The following ABCB7 variants were observed in gnomAD, a reference collection of about 807,000 sequenced individuals.
ABCB7 encodes the protein iron-sulfur clusters transporter ABCB7, mitochondrial.
In ABCB7, 7 loss-of-function variants were observed where a neutral mutation model predicts 54.4. That is an observed-to-expected ratio of 0.13 (90% confidence interval 0.07 to 0.24). The LOEUF is 0.24. ABCB7 is among the 10% of genes least tolerant of loss of function. The pLI, the probability that ABCB7 is intolerant of heterozygous loss-of-function variation, is 1.00. For synonymous variants in ABCB7, 218 were observed against 207.1 expected (o/e 1.05, Z -0.45); for missense variants, 356 against 570.4 (o/e 0.62, Z 3.83).
At chrX:75,056,189 C>A (rs1489483183) in intron 15 of ABCB7, among the ~76,000 whole-genome samples, 1 of 111,415 alleles carries the variant, frequency 9.0e-6, no homozygotes, top group Non-Finnish European at 1.9e-5. Context: ...TCAAACCGTG[C>A]AAATATTCTA....
intron 1 of ABCB7, among the ~76,000 whole-genome samples, chrX:75,147,901 A>G (rs753397541): frequency 8.0e-5 from 9 of 112,141 alleles, no homozygotes; most frequent in African/African-American, 2.9e-4. Context: ...GGATCACCTG[A>G]GGTCAGGAGT....
chrX:75,124,757 C>T (rs1233664472), intron 1 of ABCB7, among the ~76,000 whole-genome samples: 4 of 111,560 alleles, frequency 3.6e-5, no homozygotes, highest in Admixed American at 1.9e-4. Context: ...AAAATTGGTA[C>T]GAATCTCTGA....
intron 1 of ABCB7, among the ~76,000 whole-genome samples, chrX:75,153,783 A>ATG (rs1265972624): frequency 3.2e-5 from 2 of 62,371 alleles, no homozygotes; most frequent in South Asian, 9.6e-4. Flanking sequence ...TAAAATATAT[A>ATG]TGTGTGTGTG....
intron 3 of ABCB7, among the ~76,000 whole-genome samples, chrX:75,112,436 G>A (rs970342647): frequency 9.0e-5 from 10 of 111,468 alleles, no homozygotes; most frequent in Non-Finnish European, 1.7e-4. Flanking sequence ...TAATAATAAC[G>A]ATAAAGAATG....
At chrX:75,142,768 C>G (rs1157785171) in intron 1 of ABCB7, among the ~76,000 whole-genome samples, 1 of 112,354 alleles carries the variant, frequency 8.9e-6, no homozygotes, top group African/African-American at 3.2e-5. Context: ...TTTACCACAC[C>G]TTAAAGTATT....
At position 75,114,648 on chromosome X, in the gene ABCB7, A is replaced by T. The variant is rs2081792075; in HGVS notation, c.246+106T>A. The T allele has an allele frequency of 6.2e-6, 4 of 645,240 alleles. No homozygotes were observed. In the Admixed American group the frequency reaches 1.2e-4, roughly 19 times the overall value. 53.2% of individuals were successfully genotyped at this position (645,240 alleles called of 1,213,427 possible). ...TCTTATTCATCTTGTCAGCATTTAGAAAAACACAAAAAGGGAGATGTAAAA... is the reference window on the plus strand; with the variant it reads ...TCTTATTCATCTTGTCAGCATTTAGTAAAACACAAAAAGGGAGATGTAAAA... On this transcript the variant is annotated intron_variant, in intron 2 of 15. Coordinates refer to ENST00000373394, the MANE Select transcript of ABCB7 (RefSeq NM_001271696.3).
intron 1 of ABCB7, among the ~76,000 whole-genome samples, chrX:75,132,294 C>G (rs984064798): frequency 8.9e-6 from 1 of 112,249 alleles, no homozygotes; most frequent in African/African-American, 3.2e-5. Context: ...ACAATGACTT[C>G]TCTGTGAGCC....
At chrX:75,132,260 C>T (rs2081979833) in intron 1 of ABCB7, among the ~76,000 whole-genome samples, 1 of 112,030 alleles carries the variant, frequency 8.9e-6, no homozygotes, top group South Asian at 3.8e-4. Context: ...CAGCATGCCA[C>T]AGCTCTCCTA....
intron 15 of ABCB7, among the ~76,000 whole-genome samples, chrX:75,057,843 G>A (rs1381375526): frequency 9.1e-6 from 1 of 110,413 alleles, no homozygotes; most frequent in African/African-American, 3.3e-5. Context: ...AAGGAGTAGT[G>A]ATGGTAAAAA....
chrX:75,129,710 A>G (rs1321764044), intron 1 of ABCB7, among the ~76,000 whole-genome samples: 5 of 109,514 alleles, frequency 4.6e-5, no homozygotes, highest in African/African-American at 1.7e-4. Context: ...AGAACAGTAT[A>G]GAGGGTTCGC....
chrX:75,062,226 A>G (rs1602332127), intron 14 of ABCB7, 102 bp downstream of exon 14: 2 of 731,159 alleles, frequency 2.7e-6, no homozygotes, highest in African/African-American at 4.3e-5. Flanking sequence ...AGCACTTACT[A>G]TTGAAGTTTA....
chrX:75,070,842 C>T (rs961054910), intron 9 of ABCB7, among the ~76,000 whole-genome samples: 10 of 110,341 alleles, frequency 9.1e-5, no homozygotes, highest in Non-Finnish European at 1.9e-4. Context: ...TAGTGTAAAA[C>T]AGGAATTTAA....
At chrX:75,082,780 C>T (rs1602352945) in intron 4 of ABCB7, among the ~76,000 whole-genome samples, 1 of 111,054 alleles carries the variant, frequency 9.0e-6, no homozygotes, top group East Asian at 2.9e-4. Context: ...TGAAAAGTTA[C>T]TTATGTATAA....
intron 1 of ABCB7, among the ~76,000 whole-genome samples, chrX:75,115,065 C>T (rs948938627): frequency 7.3e-5 from 8 of 109,175 alleles, no homozygotes; most frequent in African/African-American, 1.0e-4. Context: ...GTCTGGAGAT[C>T]GAGACCATCC....
chrX:75,092,990 A>C (rs1164431949), intron 4 of ABCB7, among the ~76,000 whole-genome samples: 1 of 112,015 alleles, frequency 8.9e-6, no homozygotes, highest in African/African-American at 3.2e-5. Context: ...TACCAACTAT[A>C]AAAGGTTATT....
At chrX:75,106,382 A>C (rs915616539) in intron 3 of ABCB7, among the ~76,000 whole-genome samples, 3 of 112,239 alleles carry the variant, frequency 2.7e-5, no homozygotes, top group Non-Finnish European at 3.8e-5. Flanking sequence ...TAATCATCAA[A>C]GAAATCCAAA....
chrX:75,150,472 C>A (rs1411821214), intron 1 of ABCB7, among the ~76,000 whole-genome samples: 2 of 110,283 alleles, frequency 1.8e-5, no homozygotes, highest in African/African-American at 6.6e-5. Context: ...TAATTTTGGT[C>A]AAGACTGAGC....
At chrX:75,139,006 CAAAAAA>C (rs60785681) in intron 1 of ABCB7, among the ~76,000 whole-genome samples, 3 of 57,811 alleles carry the variant, frequency 5.2e-5, no homozygotes. Flanking sequence ...GACTCTGCCT[CAAAAAA>C]AAAAAAAAAA....
chrX:75,102,662 T>A (rs927735968), intron 3 of ABCB7, among the ~76,000 whole-genome samples: 2 of 111,748 alleles, frequency 1.8e-5, no homozygotes, highest in Admixed American at 9.5e-5. Context: ...TTCCTTTGGA[T>A]AAATATCAGG....
Sources: gnomAD v4.1 joint callset for allele counts (sites outside exome capture counted in the v4.1 genomes callset) on GRCh38, gnomAD v4.1.1 for gene constraint, MANE v1.5 for transcripts, NCBI Gene and HGNC (gene_info 2026-07-23, HGNC 2026-07-21) for gene names.